Variants in ZNF18 observed in about 807,000 individuals in gnomAD.
The protein encoded by ZNF18 is zinc finger protein 18.
Under a neutral mutation model 58.1 loss-of-function variants are expected in ZNF18, and 42 were observed. The ratio of observed to expected loss-of-function variants is 0.72; its 90% CI spans 0.56 to 0.93. ZNF18 has a LOEUF of 0.93. Among genes scored for constraint, ZNF18 ranks in the 40% least tolerant of loss-of-function variants. The pLI is 0.00. For missense variants in ZNF18, 540 were observed against 644.2 expected (o/e 0.84, Z 1.75); for synonymous variants, 231 against 239.8 (o/e 0.96, Z 0.34).
chr17:11,991,329 G>A (rs932981008), intron 2 of ZNF18, among the ~76,000 whole-genome samples, 166 bp from the exon 3 acceptor site: 6 of 152,150 alleles, frequency 3.9e-5, no homozygotes, highest in African/African-American at 1.2e-4. Context: ...GGAAAGAAAC[G>A]TCCCAAAAGA....
chr17:11,984,091 T>A, intron 5 of ZNF18, 22 bp downstream of exon 5: 2 of 1,599,194 alleles, frequency 1.3e-6, no homozygotes, highest in South Asian at 1.1e-5. Flanking sequence ...CCTCCTTCCA[T>A]CAGACTAACC....
At chr17:12,009,800 C>T in the ZNF18 span, among the ~76,000 whole-genome samples, 1 of 152,030 alleles carries the variant, frequency 6.6e-6, no homozygotes, top group East Asian at 1.9e-4. Context: ...CTGCGTGAGA[C>T]GTAAAAGAAA....
the ZNF18 span, among the ~76,000 whole-genome samples, chr17:12,020,085 G>C: frequency 6.6e-6 from 1 of 152,140 alleles, no homozygotes; most frequent in African/African-American, 2.4e-5. Context: ...GTCATTTTAT[G>C]TAACTTACAA....
the ZNF18 span, among the ~76,000 whole-genome samples, chr17:12,016,191 C>T: frequency 6.6e-6 from 1 of 152,160 alleles, no homozygotes; most frequent in African/African-American, 2.4e-5. Flanking sequence ...AGTGCTTACC[C>T]TTGTGTGACC....
chr17:12,012,309 G>A, the ZNF18 span, among the ~76,000 whole-genome samples: 1 of 152,078 alleles, frequency 6.6e-6, no homozygotes, highest in Non-Finnish European at 1.5e-5. Context: ...ACTACACAAA[G>A]AGCTTCCTCT....
chr17:12,010,908 G>A, the ZNF18 span: 1 of 537,836 alleles, frequency 1.9e-6, no homozygotes, highest in Non-Finnish European at 3.4e-6. Context: ...ACTTGTTTCA[G>A]GAAGCTATCT....
chr17:11,996,821 G>C (rs1255787397), intron 1 of ZNF18: 2 of 152,208 alleles, frequency 1.3e-5, no homozygotes, highest in African/African-American at 4.8e-5. Context: ...CTGGTGTACA[G>C]ATCAGGAACC....
chr17:11,984,473 T>C (rs1379648462), intron 4 of ZNF18, among the ~76,000 whole-genome samples: 2 of 151,968 alleles, frequency 1.3e-5, no homozygotes, highest in Non-Finnish European at 2.9e-5. Context: ...GTGGAGAACG[T>C]ATAGAGGGCA....
At chr17:11,994,178 T>A (rs1418895629) in intron 1 of ZNF18, among the ~76,000 whole-genome samples, 2 of 152,182 alleles carry the variant, frequency 1.3e-5, no homozygotes, top group African/African-American at 2.4e-5. Context: ...CAGAGATCAG[T>A]ACAATACTCT....
chr17:11,994,366 T>C lies in ZNF18; in HGVS notation c.-82-1455A>G, dbSNP rs73300432. 6.0e-3 allele frequency among the ~76,000 whole-genome samples: 908 copies of C among 152,244 alleles called. 11 individuals carry two copies. Among genetic ancestry groups the C allele is most frequent in the African/African-American group, 0.021 (853 of 41,506 alleles). ...AAGTCAAAAGAATTACAGTTGACCA[T>C]TGAATAATGCAGGAGATAGGGGCGC... On this transcript the variant is annotated intron_variant, in intron 1 of 6. Transcript: ENST00000580306.
intron 1 of ZNF18, 110 bp from the exon 2 acceptor site, chr17:11,993,021 T>C (rs756529881): frequency 2.4e-4 from 151 of 633,788 alleles, no homozygotes; most frequent in Middle Eastern, 4.3e-4. Flanking sequence ...ATGGAGCTTT[T>C]GAAATTGCTC....
At chr17:12,011,204 C>CT in the ZNF18 span, 1 of 537,416 alleles carries the variant, frequency 1.9e-6, no homozygotes, top group Admixed American at 2.4e-5. Context: ...TGCCTCTCCT[C>CT]TTTCACTTTG....
At chr17:11,998,822 C>CTTTTTTTTTTTTTTTT (rs71142260), upstream of ZNF18, among the ~76,000 whole-genome samples, 6 of 108,522 alleles carry the variant, frequency 5.5e-5, 1 homozygote, top group African/African-American at 7.5e-5. Context: ...AGTTTCTAGT[C>CTTTTTTTTTTTTTTTT]TTTTTTTTTT....
At position 11,990,969 on chromosome 17, in the gene ZNF18, C is replaced by G; in HGVS notation, c.577+5G>C. ...CAAGAGAACACCACACAGCACCATC[C>G]TCACCTAGTTCTGCTTCTGTGTCAG... is the stretch of plus-strand genomic sequence containing the variant. On this transcript the variant is annotated splice_donor_5th_base_variant and intron_variant, in intron 3 of 6. Transcript: ENST00000580306. 6.2e-7 allele frequency: 1 copy of G among 1,612,264 alleles called. No individual in the cohort carries two copies. Among genetic ancestry groups the G allele is most frequent in the South Asian group, 1.1e-5 (1 of 90,794 alleles).
At chr17:12,006,816 GAAGA>G in the ZNF18 span, among the ~76,000 whole-genome samples, 4 of 151,934 alleles carry the variant, frequency 2.6e-5, no homozygotes, top group Non-Finnish European at 4.4e-5. Context: ...AGATATCCCA[GAAGA>G]AAGAAAAAAG....
chr17:12,003,439 CA>C, the ZNF18 span, among the ~76,000 whole-genome samples: 6,172 of 72,400 alleles, frequency 0.085, 132 homozygotes, highest in Middle Eastern at 0.23. Flanking sequence ...GACTCTGTCT[CA>C]AAAAAAAAAA....
chr17:12,018,173 G>T, the ZNF18 span, among the ~76,000 whole-genome samples: 1 of 152,202 alleles, frequency 6.6e-6, no homozygotes, highest in Admixed American at 6.5e-5. Flanking sequence ...ATGTAAATTT[G>T]CTGGTTATTC....
At chr17:11,998,990 T>C (rs945945554), upstream of ZNF18, among the ~76,000 whole-genome samples, 5 of 152,162 alleles carry the variant, frequency 3.3e-5, no homozygotes, top group African/African-American at 1.2e-4. Context: ...GTTTCTAACA[T>C]TCATGTGATT....
the ZNF18 span, among the ~76,000 whole-genome samples, chr17:12,017,070 C>T: frequency 6.6e-5 from 10 of 151,512 alleles, no homozygotes; most frequent in African/African-American, 2.2e-4. Flanking sequence ...TGGTGATGTG[C>T]GCCTGTAGTG....
Sources: allele counts gnomAD v4.1 joint callset (sites outside exome capture counted in the v4.1 genomes callset), GRCh38; gene constraint gnomAD v4.1.1; transcripts MANE v1.5; gene names NCBI Gene and HGNC (gene_info 2026-07-23, HGNC 2026-07-21).